The following EFR3B variants were observed in gnomAD, a reference collection of about 807,000 sequenced individuals.
EFR3B encodes the protein EFR3 homolog B, also known as protein EFR3 homolog B.
A neutral mutation model predicts 104.7 loss-of-function variants in EFR3B; 64 were observed. That is an observed-to-expected ratio of 0.61 (90% CI 0.50 to 0.75). The LOEUF (loss-of-function observed/expected upper bound fraction) is 0.75, where lower values mean the gene tolerates loss of function less well. Ranked by LOEUF, EFR3B falls within the 30% of genes least tolerant of loss-of-function variation. The probability of loss-of-function intolerance (pLI) is 0.00; values close to 1 mark genes in which losing one functional copy is unlikely to be tolerated. For missense variants in EFR3B, 750 were observed against 1,078.5 expected (o/e 0.70, Z 4.27); for synonymous variants, 385 against 417.9 (o/e 0.92, Z 0.96).
intron 5 of EFR3B, 145 bp downstream of exon 5, chr2:25,121,939 AC>A: frequency 9.2e-7 from 1 of 1,090,050 alleles, no homozygotes; most frequent in Non-Finnish European, 1.3e-6. Context: ...GTGGGCCAGC[AC>A]CCAGCTCCCT....
chr2:25,108,163 A>G (rs1165276188), intron 4 of EFR3B, among the ~76,000 whole-genome samples: 2 of 152,144 alleles, frequency 1.3e-5, no homozygotes, highest in African/African-American at 4.8e-5. Context: ...CCAGCCCTTA[A>G]TGAGAATACC....
At chr2:25,129,366 C>T (rs1488903633) in intron 6 of EFR3B, among the ~76,000 whole-genome samples, 1 of 28,398 alleles carries the variant, frequency 3.5e-5, no homozygotes, top group African/African-American at 1.5e-4. Context: ...TGGGGTGGGG[C>T]GTGGGGTGGG....
intron 4 of EFR3B, among the ~76,000 whole-genome samples, chr2:25,121,349 G>A (rs901810680): frequency 2.0e-5 from 3 of 152,102 alleles, no homozygotes; most frequent in Admixed American, 1.3e-4. Flanking sequence ...CAGCCTCCCC[G>A]CCCCCGTGTG....
At position 25,128,173 on chromosome 2, in the gene EFR3B, T is replaced by C. The variant is rs1017347544; in HGVS notation, c.486-10T>C. The stretch of plus-strand genomic sequence containing the variant: ...GACTTCCGAGTCCCACTTCACCCTT[T>C]TCCTTACAGAATTCGAATGTCAGGC... On this transcript the variant is annotated splice_polypyrimidine_tract_variant and intron_variant, in intron 5 of 22. Transcript: ENST00000403714. 4 of 1,551,656 alleles carry C rather than the reference T, an allele frequency of 2.6e-6. No homozygotes were observed. Among genetic ancestry groups the C allele is most frequent in the Non-Finnish European group, 3.5e-6 (4 of 1,146,964 alleles).
At chr2:25,084,224 T>A (rs555568625) in intron 1 of EFR3B, among the ~76,000 whole-genome samples, 65 of 152,016 alleles carry the variant, frequency 4.3e-4, no homozygotes, top group Middle Eastern at 3.4e-3. Context: ...ATTAATTATT[T>A]TTTTTTTAAT....
rs900643811 is a variant in EFR3B at position 25,042,164 on chromosome 2, G to T, written c.-149G>T. ...GCCCGGCTCCGTCCTGCCCGCGGCC[G>T]GCCCCCGCGTCTGCTCCCTCCCCGC... is the stretch of plus-strand genomic sequence containing the variant. On this transcript the variant is annotated 5_prime_UTR_variant, in exon 1 of 23. Transcript: ENST00000403714. This position sits in a 1 kb window ranked among gnomAD's most constrained non-coding sequence, Gnocchi z 5.4. 1.2e-5 allele frequency: 9 copies of T among 746,658 alleles called. No individual in the cohort carries two copies. The African/African-American group carries it at 1.5e-4, about 12-fold the overall frequency. The allele number at this position is 746,658 out of a possible 1,614,324, so 46.3% of individuals were successfully genotyped here.
At chr2:25,062,067 G>A (rs1362354671) in intron 1 of EFR3B, among the ~76,000 whole-genome samples, 1 of 152,176 alleles carries the variant, frequency 6.6e-6, no homozygotes, top group Non-Finnish European at 1.5e-5. Flanking sequence ...TACACTTCGT[G>A]TAGTGAGTGC....
intron 1 of EFR3B, among the ~76,000 whole-genome samples, chr2:25,059,875 C>CAAAAAAAAA (rs773320701): frequency 2.1e-5 from 1 of 48,738 alleles, no homozygotes; most frequent in African/African-American, 9.1e-5. Context: ...AACTCTGTCT[C>CAAAAAAAAA]AAAAAAAAAA....
intron 1 of EFR3B, among the ~76,000 whole-genome samples, chr2:25,072,833 GCTACTCTCAGGC>G (rs1439529042): frequency 3.3e-5 from 5 of 152,238 alleles, no homozygotes; most frequent in Admixed American, 2.6e-4. Context: ...CTCCCCTCCA[GCTACTCTCAGGC>G]CTTTTCTGCT....
In EFR3B at chr2:25,091,328, T is replaced by A; in HGVS notation, c.11T>A (p.Val4Glu). The A allele has an allele frequency of 6.5e-7, 1 of 1,550,162 alleles. No individual in the cohort carries two copies. The highest frequency in any genetic ancestry group is 8.7e-7 in the Non-Finnish European group (1 of 1,146,396). ...GTTTTTCCCATTCTTATTCCAGGTG[T>A]GTGTGGCTGCTGTGGTGCCCTACGC... MYG[V>E]CGCCGALRPR... Residue 4 changes from valine to glutamate, a missense_variant, in exon 2 of 23, where the codon GTG becomes GAG. Coordinates refer to ENST00000403714, the MANE Select transcript of EFR3B (RefSeq NM_014971.2).
rs1671117325 is a variant in EFR3B at position 25,154,871 on chromosome 2, T to C, written c.*531T>C. On this transcript the variant is annotated 3_prime_UTR_variant, in exon 23 of 23. Coordinates refer to ENST00000403714, the MANE Select transcript of EFR3B (RefSeq NM_014971.2). This position sits in a 1 kb window ranked among gnomAD's most constrained non-coding sequence, Gnocchi z 4.1. ...TCTCCCAGTTGTCTGTTCATGTTTC[T>C]TTCTACTATTAATGAATGCTGAGCC... 6.5e-6 allele frequency: 1 copy of C among 153,584 alleles called. No individual in the cohort carries two copies. Among genetic ancestry groups the C allele is most frequent in the Admixed American group, 6.5e-5 (1 of 15,318 alleles). 9.5% of individuals were successfully genotyped at this position (153,584 alleles called of 1,614,324 possible).
At chr2:25,125,183 T>C (rs1670130478) in intron 5 of EFR3B, among the ~76,000 whole-genome samples, 1 of 152,206 alleles carries the variant, frequency 6.6e-6, no homozygotes, top group South Asian at 2.1e-4. Context: ...CGTGCATTTG[T>C]GGAAGGGATT....
intron 1 of EFR3B, among the ~76,000 whole-genome samples, chr2:25,051,614 A>G (rs1305207745): frequency 1.4e-5 from 2 of 144,730 alleles, no homozygotes; most frequent in Non-Finnish European, 3.0e-5. Flanking sequence ...CAGAGAACAC[A>G]TTTCTCTTTT....
intron 1 of EFR3B, among the ~76,000 whole-genome samples, chr2:25,061,618 T>C (rs1263564572): frequency 2.0e-5 from 3 of 152,002 alleles, no homozygotes; most frequent in South Asian, 4.2e-4. Flanking sequence ...GTCAGCCTCC[T>C]GAGCAGCTGG....
At position 25,137,509 on chromosome 2, in the gene EFR3B, C is replaced by A. The variant is rs1296582071; in HGVS notation, c.1722+7C>A. 2 of 1,551,598 alleles carry A rather than the reference C, an allele frequency of 1.3e-6. No homozygotes were observed. The highest frequency in any genetic ancestry group is 4.9e-5 in the East Asian group (2 of 40,910). ...TCTGGTGCTGGCTGTTCAGGTGGGG[C>A]CTGGTGTGCGCAGGGCATGGGGCTT... On this transcript the variant is annotated splice_region_variant and intron_variant, in intron 15 of 22. Coordinates refer to ENST00000403714, the MANE Select transcript of EFR3B (RefSeq NM_014971.2). This position sits in a 1 kb window ranked among gnomAD's most constrained non-coding sequence, Gnocchi z 4.7.
chr2:25,128,435 G>T (rs1409382681), intron 6 of EFR3B, 103 bp downstream of exon 6: 5 of 1,434,924 alleles, frequency 3.5e-6, no homozygotes, highest in Non-Finnish European at 3.8e-6. Flanking sequence ...CAGCTACAAG[G>T]CCAGGGACAT....
At chr2:25,064,926 G>A (rs1261873805) in intron 1 of EFR3B, among the ~76,000 whole-genome samples, 2 of 152,104 alleles carry the variant, frequency 1.3e-5, no homozygotes, top group South Asian at 4.1e-4. Context: ...TATCATCAAA[G>A]CTACCAAACA....
Position 25,137,652 on chromosome 2 carries a change from A to G in EFR3B, c.1722+150A>G, listed in dbSNP as rs2149208495. On this transcript the variant is annotated intron_variant, in intron 15 of 22. Coordinates refer to ENST00000403714, the MANE Select transcript of EFR3B (RefSeq NM_014971.2). This position sits in a 1 kb window ranked among gnomAD's most constrained non-coding sequence, Gnocchi z 4.7. ...CTCGTGGTTGGCCACGCCTCCCTGA[A>G]GACCCCAAACCATGGTCCTGTTTGG... 11 of 1,164,006 alleles carry G rather than the reference A, an allele frequency of 9.5e-6. No homozygotes were observed. The highest frequency in any genetic ancestry group is 1.3e-5 in the Non-Finnish European group (11 of 834,130). 72.1% of individuals were successfully genotyped at this position (1,164,006 alleles called of 1,614,324 possible).
At chr2:25,152,138 C>G in intron 21 of EFR3B, 118 bp downstream of exon 21, 1 of 964,088 alleles carries the variant, frequency 1.0e-6, no homozygotes, top group Non-Finnish European at 1.6e-6. Context: ...CTCCCCCACC[C>G]CCACCCTGCC....
Sources: allele counts gnomAD v4.1 joint callset (sites outside exome capture counted in the v4.1 genomes callset), GRCh38; gene constraint gnomAD v4.1.1; non-coding constraint Gnocchi (gnomAD v3.1); transcripts MANE v1.5; gene names NCBI Gene and HGNC (gene_info 2026-07-23, HGNC 2026-07-21).